Variants in SMAD3 observed in about 807,000 individuals in gnomAD.
The protein encoded by SMAD3 is MAD homolog 3.
Under a neutral mutation model 51.8 loss-of-function variants are expected in SMAD3, and 12 were observed. That is an observed-to-expected ratio of 0.23 (90% CI 0.15 to 0.38). The LOEUF (loss-of-function observed/expected upper bound fraction) is 0.38. Among genes scored for constraint, SMAD3 ranks in the 10% least tolerant of loss-of-function variants. The probability of loss-of-function intolerance (pLI) is 1.00; values close to 1 mark genes in which losing one functional copy is unlikely to be tolerated. For synonymous variants in SMAD3, 238 were observed against 227.7 expected (o/e 1.05, Z -0.41); for missense variants, 294 against 565.6 (o/e 0.52, Z 4.87).
At chr15:67,179,572 C>T (rs898789807) in intron 5 of SMAD3, among the ~76,000 whole-genome samples, 1 of 152,124 alleles carries the variant, frequency 6.6e-6, no homozygotes, top group Non-Finnish European at 1.5e-5. Context: ...CTTCGCCATT[C>T]GTGATAGTGT....
intron 1 of SMAD3, among the ~76,000 whole-genome samples, chr15:67,072,812 G>T (rs7164678): frequency 6.6e-6 from 1 of 152,162 alleles, no homozygotes; most frequent in Non-Finnish European, 1.5e-5. Context: ...AATGGTTCCT[G>T]GAAACAGTGG....
chr15:67,134,853 G>T (rs1275395862), intron 1 of SMAD3, among the ~76,000 whole-genome samples: 1 of 152,206 alleles, frequency 6.6e-6, no homozygotes, highest in Non-Finnish European at 1.5e-5. Context: ...CACACTCACG[G>T]CAGAGGTGAG....
At chr15:67,118,571 G>T (rs933598432) in intron 1 of SMAD3, among the ~76,000 whole-genome samples, 1 of 152,202 alleles carries the variant, frequency 6.6e-6, no homozygotes, top group East Asian at 1.9e-4. Context: ...CACGGAAGGC[G>T]CTGGAAGGAG....
intron 1 of SMAD3, among the ~76,000 whole-genome samples, chr15:67,073,948 C>T (rs1316815581): frequency 6.6e-6 from 1 of 152,228 alleles, no homozygotes; most frequent in Non-Finnish European, 1.5e-5. Context: ...GCTGGGATTC[C>T]AGGCCTGAGC....
intron 1 of SMAD3, among the ~76,000 whole-genome samples, chr15:67,143,756 T>C (rs1445107269): frequency 6.6e-6 from 1 of 152,148 alleles, no homozygotes; most frequent in East Asian, 1.9e-4. Flanking sequence ...TTGTTTTTGT[T>C]TTTTGAGATG....
intron 1 of SMAD3, among the ~76,000 whole-genome samples, chr15:67,092,888 G>A (rs891514320): frequency 7.2e-5 from 11 of 152,212 alleles, no homozygotes; most frequent in African/African-American, 1.9e-4. Context: ...GAGCTTTGGG[G>A]AAGGAGGTGT....
chr15:67,166,996 G>A, intron 4 of SMAD3, 143 bp downstream of exon 4: 1 of 746,756 alleles, frequency 1.3e-6, no homozygotes, highest in East Asian at 2.7e-5. Context: ...GATGTGCAAG[G>A]GGCAGGGCAT....
intron 6 of SMAD3, among the ~76,000 whole-genome samples, chr15:67,183,057 G>C (rs1348446261): frequency 9.7e-6 from 1 of 103,394 alleles, no homozygotes; most frequent in African/African-American, 4.2e-5. Context: ...TTTTTGGAGC[G>C]GGGAGACCAA....
intron 1 of SMAD3, chr15:67,125,988 A>G (rs548651599): frequency 5.1e-6 from 5 of 985,474 alleles, no homozygotes; most frequent in Admixed American, 6.1e-5. Flanking sequence ...CGTTTGAGTA[A>G]GAGTTATCTT....
chr15:67,176,321 G>A (rs117009032), intron 5 of SMAD3, among the ~76,000 whole-genome samples: 8,059 of 152,186 alleles, frequency 0.053, 269 homozygotes, highest in Middle Eastern at 0.078. Context: ...TCCAGGCAGA[G>A]GACCCAGGCA....
chr15:67,190,383 C>A, intron 8 of SMAD3, 30 bp from the exon 9 acceptor site: 1 of 1,608,900 alleles, frequency 6.2e-7, no homozygotes, highest in Non-Finnish European at 8.5e-7. Context: ...TTTAAGTCCC[C>A]CACCCCACCC....
intron 1 of SMAD3, among the ~76,000 whole-genome samples, chr15:67,122,315 G>A (rs1438030668): frequency 1.3e-5 from 2 of 152,208 alleles, no homozygotes; most frequent in African/African-American, 4.8e-5. Flanking sequence ...GGGGTACTGT[G>A]CGGGTCAGCT....
intron 1 of SMAD3, among the ~76,000 whole-genome samples, chr15:67,081,840 C>T (rs1327820139): frequency 1.3e-5 from 2 of 152,036 alleles, no homozygotes; most frequent in Non-Finnish European, 2.9e-5. Context: ...AATAATGGAC[C>T]CTCAGAAGCC....
intron 1 of SMAD3, among the ~76,000 whole-genome samples, chr15:67,115,126 C>T (rs1961106314): frequency 6.6e-6 from 1 of 152,142 alleles, no homozygotes; most frequent in South Asian, 2.1e-4. Flanking sequence ...AGTGCTCTGC[C>T]CTAGGCCTTG....
intron 5 of SMAD3, among the ~76,000 whole-genome samples, chr15:67,177,732 T>G (rs28447655): frequency 0.6 from 68,316 of 113,958 alleles, 16,047 homozygotes; most frequent in Middle Eastern, 0.67. Context: ...TCTGTTTTTT[T>G]GTTTTTTTTT....
rs1183571536 is a variant in SMAD3 at position 67,066,368 on chromosome 15, C to A, written c.206+8C>A. 5 of 1,610,314 alleles carry A rather than the reference C, an allele frequency of 3.1e-6. No homozygotes were observed. Among genetic ancestry groups the A allele is most frequent in the Middle Eastern group, 1.7e-4 (1 of 5,962 alleles). On this transcript the variant is annotated splice_region_variant and intron_variant, in intron 1 of 8. Coordinates refer to ENST00000327367, the MANE Select transcript of SMAD3 (RefSeq NM_005902.4). ...GTGCATCACCATCCCCAGGTGGGGG[C>A]CCGCCCGGGGGGGACCCGGGGTCAC...
At chr15:67,086,863 C>T (rs1400469213) in intron 1 of SMAD3, among the ~76,000 whole-genome samples, 3 of 150,870 alleles carry the variant, frequency 2.0e-5, no homozygotes, top group East Asian at 1.9e-4. Flanking sequence ...GCAAGTCACT[C>T]GGGTCCCACT....
At chr15:67,158,347 G>A (rs1487264563) in intron 1 of SMAD3, among the ~76,000 whole-genome samples, 2 of 152,174 alleles carry the variant, frequency 1.3e-5, no homozygotes, top group African/African-American at 2.4e-5. Flanking sequence ...ACAATGCCAG[G>A]GCTCTGGGCA....
rs117251979 is a variant in SMAD3, at chr15:67,149,179, C to T, written c.207-15716C>T. Among the ~76,000 whole-genome samples the T allele has an allele frequency of 6.9e-3, 1,056 of 152,304 alleles. 6 individuals are homozygous for T. The highest frequency in any genetic ancestry group is 0.011 in the Non-Finnish European group (715 of 68,016). On this transcript the variant is annotated intron_variant, in intron 1 of 8. Transcript: ENST00000327367. The stretch of plus-strand genomic sequence containing the variant: ...GGCTCTGTCCCCACCTGCACCTCAG[C>T]GCACTATGCTGGTGGCCAAGAGTGC...
Sources: gnomAD v4.1 joint callset for allele counts (sites outside exome capture counted in the v4.1 genomes callset) on GRCh38, gnomAD v4.1.1 for gene constraint, MANE v1.5 for transcripts, NCBI Gene and HGNC (gene_info 2026-07-23, HGNC 2026-07-21) for gene names.